The following XAGE3 variants were observed in gnomAD, a reference collection of about 807,000 sequenced individuals.
XAGE3 encodes the protein CT12.3.
XAGE3 carries 6 observed loss-of-function variants against 9.2 expected under a neutral mutation model. The ratio of observed to expected loss-of-function variants is 0.65; its 90% confidence interval spans 0.36 to 1.29. The LOEUF (loss-of-function observed/expected upper bound fraction) is 1.29, where lower values mean the gene tolerates loss of function less well. XAGE3 is among the 50% of genes most tolerant of loss of function. XAGE3 has a pLI of 0.03. For synonymous variants in XAGE3, 26 were observed against 28.2 expected, an observed-to-expected ratio of 0.92 and a Z score of 0.25; for missense variants, 70 against 82.8, an observed-to-expected ratio of 0.85 and a Z score of 0.60.
intron 2 of XAGE3, 128 bp downstream of exon 2, chrX:52,866,925 G>A: frequency 1.6e-6 from 1 of 625,238 alleles, no homozygotes; most frequent in Non-Finnish European, 2.6e-6. Context: ...ATTTTTCTCA[G>A]CATGGGAGAC....
At chrX:52,867,695 G>T (rs1197141980) in intron 1 of XAGE3, among the ~76,000 whole-genome samples, 3 of 110,345 alleles carry the variant, frequency 2.7e-5, no homozygotes, top group Non-Finnish European at 5.7e-5. Context: ...TTCCCGGGTC[G>T]ACACGGAGGA....
intron 3 of XAGE3, among the ~76,000 whole-genome samples, chrX:52,865,467 T>A (rs1927863902): frequency 9.0e-6 from 1 of 111,582 alleles, no homozygotes; most frequent in South Asian, 3.8e-4. Context: ...TTGTTGACAG[T>A]CATATTCTGG....
At position 52,864,883 on chromosome X, in the gene XAGE3, C is replaced by T; in HGVS notation, c.205G>A (p.Asp69Asn). The change falls in exon 4 of 5, where the codon GAT becomes AAT. Residue 69 changes from aspartate to asparagine, a missense_variant. Asp to Asn is a conservative substitution (Grantham distance 23, BLOSUM62 1). Transcript: ENST00000346279. The stretch of plus-strand genomic sequence containing the variant: ...TTTGACTGAGACAGCTCCTGGAGAT[C>T]AGCTTCCAGGTCAGGCACTAAAAAA... ...AETQVPDLEA[D>N]LQELSQSKTG... 1 of 1,210,979 alleles carries T rather than the reference C, an allele frequency of 8.3e-7. No homozygotes were observed. Among genetic ancestry groups the T allele is most frequent in the Non-Finnish European group, 1.1e-6 (1 of 895,023 alleles).
intron 2 of XAGE3, among the ~76,000 whole-genome samples, 181 bp from the exon 3 acceptor site, chrX:52,866,719 G>A (rs1248846701): frequency 3.6e-5 from 4 of 112,415 alleles, no homozygotes; most frequent in Non-Finnish European, 7.5e-5. Flanking sequence ...CCACAGAGAG[G>A]TTACTCTAAG....
intron 4 of XAGE3, among the ~76,000 whole-genome samples, chrX:52,863,540 T>C (rs781889496): frequency 1.6e-4 from 18 of 112,304 alleles, no homozygotes; most frequent in Admixed American, 7.6e-4. Context: ...CTCTTTGTGA[T>C]GCTTAGATGT....
intron 4 of XAGE3, among the ~76,000 whole-genome samples, 156 bp from the exon 5 acceptor site, chrX:52,862,796 G>A (rs1411211600): frequency 4.0e-4 from 45 of 113,626 alleles, no homozygotes; most frequent in Non-Finnish European, 7.5e-4. Context: ...TTAGACCTCT[G>A]TAGAGACTTT....
Position 52,864,801 on chromosome X carries a change from G to A in XAGE3, c.287C>T (p.Ser96Leu), listed in dbSNP as rs1444064009. Residue 96 changes from serine (S) to leucine (L), a missense_variant, in exon 4 of 5, where the codon TCA becomes TTA. By Grantham distance (145) the Ser-to-Leu change is moderately radical. Transcript: ENST00000346279. ...PDDQGKILPK[S>L]EQFKMPEGGD... Reference sequence around the variant, plus strand: ...TCCTTCTGGCATTTTAAATTGTTCTGATTTTGGCAGAATCTTCCCCTGGTC... The same window carrying A: ...TCCTTCTGGCATTTTAAATTGTTCTAATTTTGGCAGAATCTTCCCCTGGTC... 8.3e-7 allele frequency: 1 copy of A among 1,209,386 alleles called. No individual in the cohort carries two copies. The highest frequency in any genetic ancestry group is 1.8e-5 in the African/African-American group (1 of 57,087).
chrX:52,867,472 A>G (rs1211520034), intron 1 of XAGE3, among the ~76,000 whole-genome samples: 1 of 111,265 alleles, frequency 9.0e-6, no homozygotes, highest in Non-Finnish European at 1.9e-5. Flanking sequence ...TTTGTCACAC[A>G]CCCATTTGCT....
At chrX:52,866,775 G>A (rs1308126585) in intron 2 of XAGE3, among the ~76,000 whole-genome samples, 5 of 111,792 alleles carry the variant, frequency 4.5e-5, no homozygotes, top group African/African-American at 1.6e-4. Flanking sequence ...TCTAAGCTGG[G>A]ATGAATGTGT....
At chrX:52,863,042 GT>G (rs1306984126) in intron 4 of XAGE3, among the ~76,000 whole-genome samples, 1 of 112,292 alleles carries the variant, frequency 8.9e-6, no homozygotes, top group Non-Finnish European at 1.9e-5. Flanking sequence ...GTAATGCAAT[GT>G]TTTGCCTTGA....
intron 2 of XAGE3, among the ~76,000 whole-genome samples, 197 bp from the exon 3 acceptor site, chrX:52,866,735 T>G (rs1321653378): frequency 8.9e-6 from 1 of 112,523 alleles, no homozygotes; most frequent in Non-Finnish European, 1.9e-5. Flanking sequence ...CTAAGACAGT[T>G]GCCCTCAAGG....
Position 52,862,740 on chromosome X carries a change from T to C in XAGE3, c.314-100A>G, listed in dbSNP as rs1927774643. 1.4e-5 allele frequency: 15 copies of C among 1,050,332 alleles called. No individual in the cohort carries two copies. In the South Asian group the frequency reaches 3.0e-4, roughly 21 times the overall value. The allele number at this position is 1,050,332 out of a possible 1,213,427, so 86.6% of individuals were successfully genotyped here. On this transcript the variant is annotated intron_variant, in intron 4 of 4. Transcript: ENST00000346279. ...ACACCAAAGTTTTGGTTTTATACCG[T>C]GGATTAAACCAGAAGCCTAAGAGTA...
chrX:52,864,630 T>C (rs1165253687), intron 4 of XAGE3, 145 bp downstream of exon 4: 22 of 709,031 alleles, frequency 3.1e-5, no homozygotes, highest in Non-Finnish European at 4.4e-5. Context: ...GTTTAAGTCT[T>C]ACAGTCAGGC....
In XAGE3 at chrX:52,864,905, A is replaced by G; in HGVS notation, c.188-5T>C. On this transcript the variant is annotated splice_region_variant and splice_polypyrimidine_tract_variant and intron_variant, in intron 3 of 4. Transcript: ENST00000346279. ...GATCAGCTTCCAGGTCAGGCACTAAAAAATACAAAGGTTGTCGATTGAAGC... is the reference window on the plus strand; with the variant it reads ...GATCAGCTTCCAGGTCAGGCACTAAGAAATACAAAGGTTGTCGATTGAAGC... The G allele has an allele frequency of 1.7e-6, 2 of 1,210,426 alleles. No individual in the cohort carries two copies. Among genetic ancestry groups the G allele is most frequent in the Non-Finnish European group, 2.2e-6 (2 of 894,956 alleles).
intron 1 of XAGE3, 57 bp from the exon 2 acceptor site, chrX:52,867,198 C>A: frequency 1.0e-6 from 1 of 989,634 alleles, no homozygotes; most frequent in Non-Finnish European, 1.4e-6. Flanking sequence ...CTATATTTGA[C>A]CACTTCCATG....
intron 4 of XAGE3, 24 bp downstream of exon 4, chrX:52,864,751 A>G: frequency 8.3e-7 from 1 of 1,207,630 alleles, no homozygotes; most frequent in Non-Finnish European, 1.1e-6. Context: ...GAAAACAGAA[A>G]GCACATAATA....
At chrX:52,862,999 A>C (rs1214606451) in intron 4 of XAGE3, among the ~76,000 whole-genome samples, 1 of 112,532 alleles carries the variant, frequency 8.9e-6, no homozygotes, top group South Asian at 3.6e-4. Context: ...AACAAACCTA[A>C]GAAACAAAAG....
chrX:52,864,548 GAAGT>G (rs1556784165), intron 4 of XAGE3, among the ~76,000 whole-genome samples: 1 of 112,028 alleles, frequency 8.9e-6, no homozygotes, highest in Non-Finnish European at 1.9e-5. Context: ...GGTATAATCA[GAAGT>G]AAGAATATGC....
intron 3 of XAGE3, among the ~76,000 whole-genome samples, chrX:52,865,736 G>T (rs1927869506): frequency 8.9e-6 from 1 of 112,087 alleles, no homozygotes; most frequent in Admixed American, 9.5e-5. Flanking sequence ...GCAAAGGAAA[G>T]AGTGGCTGTC....
Sources: gnomAD v4.1 joint callset for allele counts (sites outside exome capture counted in the v4.1 genomes callset) on GRCh38, gnomAD v4.1.1 for gene constraint, MANE v1.5 for transcripts, NCBI Gene and HGNC (gene_info 2026-07-23, HGNC 2026-07-21) for gene names.